Variants in BNC1 observed in about 807,000 individuals in gnomAD.
The protein encoded by BNC1 is zinc finger protein basonuclin-1.
Under a neutral mutation model 66.5 loss-of-function variants are expected in BNC1, and 8 were observed. The ratio of observed to expected loss-of-function variants is 0.12; its 90% CI spans 0.07 to 0.22. The LOEUF is 0.22. Among genes scored for constraint, BNC1 ranks in the 10% least tolerant of loss-of-function variants. The pLI is 1.00. For missense variants in BNC1, 1,069 were observed against 1,241.3 expected, an observed-to-expected ratio of 0.86 and a Z score of 2.09; for synonymous variants, 454 against 452.6, an observed-to-expected ratio of 1.00 and a Z score of -0.04.
At chr15:83,279,653 G>C (rs770115031) in intron 1 of BNC1, among the ~76,000 whole-genome samples, 1 of 152,224 alleles carries the variant, frequency 6.6e-6, no homozygotes, top group Non-Finnish European at 1.5e-5. Context: ...GGGCTGTCCA[G>C]ATGAGCAGCC....
At chr15:83,258,727 TG>T (rs2038111308) in intron 4 of BNC1, among the ~76,000 whole-genome samples, 1 of 152,214 alleles carries the variant, frequency 6.6e-6, no homozygotes, top group African/African-American at 2.4e-5. Flanking sequence ...CATTACCTTC[TG>T]GGGCTGCACT....
intron 1 of BNC1, among the ~76,000 whole-genome samples, chr15:83,283,845 C>T (rs1201099174): frequency 1.3e-5 from 2 of 152,232 alleles, no homozygotes; most frequent in African/African-American, 4.8e-5. Context: ...GCTTTCGGAC[C>T]GGACCTGTCT....
intron 1 of BNC1, among the ~76,000 whole-genome samples, chr15:83,277,216 G>A (rs2151439735): frequency 6.6e-6 from 1 of 152,174 alleles, no homozygotes; most frequent in Non-Finnish European, 1.5e-5. Context: ...ATCTCACATA[G>A]GCGCATGCCA....
At chr15:83,279,398 C>T (rs1046877088) in intron 1 of BNC1, among the ~76,000 whole-genome samples, 1 of 152,104 alleles carries the variant, frequency 6.6e-6, no homozygotes, top group African/African-American at 2.4e-5. Context: ...TACTCTCCCC[C>T]AAATTAAATA....
rs201182456 is a variant in BNC1 at position 83,266,878 on chromosome 15, C to G, written c.393G>C (p.Leu131Phe). 2.3e-5 allele frequency: 37 copies of G among 1,614,094 alleles called. No individual in the cohort carries two copies. The Middle Eastern group carries it at 2.8e-3, about 122-fold the overall frequency. Residue 131 changes from leucine to phenylalanine, a missense_variant, in exon 3 of 5, where the codon TTG (leucine) becomes TTC (phenylalanine). Physicochemically the swap from Leu to Phe is conservative, Grantham distance 22 (BLOSUM62 0). Transcript: ENST00000345382. ...GGATATAATCCTGAAGTGTCCAGTC[C>G]AAGGCATGGAGGATCTGGAGAACCT... ...QDEVLQILHA[L>F]DWTLQDYIRG...
At chr15:83,262,551 ATCACT>A (rs1281595442) in intron 4 of BNC1, among the ~76,000 whole-genome samples, 1 of 152,134 alleles carries the variant, frequency 6.6e-6, no homozygotes, top group African/African-American at 2.4e-5. Flanking sequence ...GTAGCCTCAC[ATCACT>A]TCAGGTCAGG....
At chr15:83,266,729 G>T in intron 3 of BNC1, 107 bp downstream of exon 3, 1 of 993,788 alleles carries the variant, frequency 1.0e-6, no homozygotes, top group Non-Finnish European at 1.6e-6. Context: ...TAAAGGGAAA[G>T]ATGGCCACCA....
chr15:83,279,945 C>A (rs997992662), intron 1 of BNC1, among the ~76,000 whole-genome samples: 3 of 152,160 alleles, frequency 2.0e-5, no homozygotes, highest in African/African-American at 4.8e-5. Flanking sequence ...ATTGATTGGG[C>A]TGAGTCTACC....
At chr15:83,281,683 C>A (rs989581810) in intron 1 of BNC1, among the ~76,000 whole-genome samples, 1 of 152,220 alleles carries the variant, frequency 6.6e-6, no homozygotes, top group Admixed American at 6.5e-5. Flanking sequence ...TTCTGCCCCC[C>A]ACTCCATAAG....
chr15:83,259,025 T>C (rs1298871612), intron 4 of BNC1, among the ~76,000 whole-genome samples: 1 of 152,222 alleles, frequency 6.6e-6, no homozygotes, highest in Non-Finnish European at 1.5e-5. Flanking sequence ...TGTAGTTTAG[T>C]TCATATTTGT....
In BNC1 at chr15:83,257,134, C is replaced by T. The variant is rs894562624; in HGVS notation, c.*308G>A. 3 of 382,762 alleles carry T rather than the reference C, an allele frequency of 7.8e-6. No individual in the cohort carries two copies. Among genetic ancestry groups the T allele is most frequent in the South Asian group, 3.5e-5 (1 of 28,838 alleles). 23.7% of individuals were successfully genotyped at this position (382,762 alleles called of 1,614,324 possible). On this transcript the variant is annotated 3_prime_UTR_variant, in exon 5 of 5. Coordinates refer to ENST00000345382, the MANE Select transcript of BNC1 (RefSeq NM_001717.4). ...CCCCAGGTCCTGGGCCCACTGGTGT[C>T]GATCTGCAGACCTGGATCTGTCCCA...
At chr15:83,283,053 CG>C in intron 1 of BNC1, 6 of 1,467,958 alleles carry the variant, frequency 4.1e-6, no homozygotes, top group Middle Eastern at 1.8e-4. Flanking sequence ...ACCGAACCCC[CG>C]AGCGTCTGAT....
In BNC1 at chr15:83,267,021, T is replaced by G; in HGVS notation, c.250A>C (p.Ile84Leu). ...TCAAACACTACATTGGACTGGACAA[T>G]CTCCACCTGGCTTGTTGGATACATG... ...PPMYPTSQVEIVQSNVVFDIS... is the reference protein window; with the variant it reads ...PPMYPTSQVELVQSNVVFDIS... The change falls in exon 3 of 5, where the codon ATT becomes CTT. Residue 84 changes from isoleucine (I) to leucine (L), a missense_variant. Transcript: ENST00000345382. The G allele has an allele frequency of 6.2e-7, 1 of 1,614,108 alleles. No individual in the cohort carries two copies. The highest frequency in any genetic ancestry group is 1.7e-5 in the Admixed American group (1 of 60,020).
At chr15:83,281,683 C>G (rs989581810) in intron 1 of BNC1, among the ~76,000 whole-genome samples, 1 of 152,220 alleles carries the variant, frequency 6.6e-6, no homozygotes, top group Non-Finnish European at 1.5e-5. Flanking sequence ...TTCTGCCCCC[C>G]ACTCCATAAG....
chr15:83,278,966 C>A (rs928997072), intron 1 of BNC1, among the ~76,000 whole-genome samples: 5 of 152,032 alleles, frequency 3.3e-5, no homozygotes, highest in African/African-American at 7.2e-5. Context: ...AAAGTATGAA[C>A]CTATATATTA....
At chr15:83,270,967 T>A (rs2038264081) in intron 1 of BNC1, among the ~76,000 whole-genome samples, 1 of 152,160 alleles carries the variant, frequency 6.6e-6, no homozygotes, top group Non-Finnish European at 1.5e-5. Flanking sequence ...GTCAATTACA[T>A]CTCAATAAAA....
Position 83,262,953 on chromosome 15 carries a change from G to A in BNC1, c.2298C>T (p.Asp766=). 1 of 1,603,658 alleles carries A rather than the reference G, an allele frequency of 6.2e-7. No individual in the cohort carries two copies. The highest frequency in any genetic ancestry group is 8.5e-7 in the Non-Finnish European group (1 of 1,174,186). Residue 766 remains aspartate (D), a splice_region_variant and synonymous_variant, in exon 4 of 5, where the codon GAC becomes GAT. Coordinates refer to ENST00000345382, the MANE Select transcript of BNC1 (RefSeq NM_001717.4). ...NATFPSRRSR[D]RHSSNLNLHQ... is the part of the protein sequence containing the mutation. ...ATGATTGCCTACAGATGCCTTACCT[G>A]TCTCTGCTCCTGCGGGAGGGAAAGG...
chr15:83,263,274 T>C lies in BNC1; in HGVS notation c.1977A>G (p.Thr659=), dbSNP rs1282687392. ...VEDGGHEHYF[T]PGMEPQVPFS... ...AAGGAACTTGGGGTTCCATCCCAGG[T>C]GTGAAGTAGTGTTCATGGCCACCAT... The change falls in exon 4 of 5, where the codon ACA becomes ACG. Residue 659 remains threonine (T), a synonymous_variant. Transcript: ENST00000345382. 2 of 1,614,128 alleles carry C rather than the reference T, an allele frequency of 1.2e-6. No individual in the cohort carries two copies. Among genetic ancestry groups the C allele is most frequent in the South Asian group, 2.2e-5 (2 of 91,084 alleles).
intron 3 of BNC1, among the ~76,000 whole-genome samples, chr15:83,265,621 T>C (rs983792867): frequency 1.3e-5 from 2 of 152,228 alleles, no homozygotes; most frequent in Non-Finnish European, 2.9e-5. Flanking sequence ...AAGGTCATAA[T>C]GCTACTCTAC....
Sources: gnomAD v4.1 joint callset for allele counts (sites outside exome capture counted in the v4.1 genomes callset) on GRCh38, gnomAD v4.1.1 for gene constraint, MANE v1.5 for transcripts, NCBI Gene and HGNC (gene_info 2026-07-23, HGNC 2026-07-21) for gene names.